Variants in NHSL1 observed in about 807,000 individuals in gnomAD.
The protein encoded by NHSL1 is NHS-like protein 1.
A neutral mutation model predicts 95.0 loss-of-function variants in NHSL1; 48 were observed. That is an observed-to-expected ratio of 0.51 (90% CI 0.40 to 0.64). NHSL1 has a LOEUF of 0.64. NHSL1 is among the 30% of genes least tolerant of loss of function. The pLI is 0.00. For missense variants in NHSL1, 1,971 were observed against 2,077.7 expected, an observed-to-expected ratio of 0.95 and a Z score of 1.00; for synonymous variants, 783 against 833.9, an observed-to-expected ratio of 0.94 and a Z score of 1.05.
chr6:138,483,922 C>A (rs1474909070), intron 2 of NHSL1, among the ~76,000 whole-genome samples: 1 of 152,128 alleles, frequency 6.6e-6, no homozygotes, highest in Non-Finnish European at 1.5e-5. Flanking sequence ...CCATTGGTCA[C>A]CCAGGTAGAT....
chr6:138,665,504 C>A (rs759307089), intron 1 of NHSL1, among the ~76,000 whole-genome samples: 32 of 152,204 alleles, frequency 2.1e-4, no homozygotes, highest in Non-Finnish European at 3.4e-4. Context: ...TCAGCCTGTC[C>A]TTTGCACTTT....
intron 1 of NHSL1, among the ~76,000 whole-genome samples, chr6:138,632,351 G>A (rs1226638929): frequency 6.6e-6 from 1 of 152,170 alleles, no homozygotes; most frequent in Non-Finnish European, 1.5e-5. Context: ...ACTGATTGTA[G>A]AACCCCAAGG....
intron 5 of NHSL1, among the ~76,000 whole-genome samples, chr6:138,440,414 C>T (rs1776454295): frequency 6.6e-6 from 1 of 152,166 alleles, no homozygotes; most frequent in South Asian, 2.1e-4. Context: ...AACCAGGCCA[C>T]TAATAGCAGC....
chr6:138,425,286 G>A (rs563989250), intron 7 of NHSL1, among the ~76,000 whole-genome samples: 11 of 152,094 alleles, frequency 7.2e-5, no homozygotes, highest in East Asian at 3.9e-4. Flanking sequence ...TAGTAGAGAC[G>A]GGGTTTTGCC....
At chr6:138,548,430 T>C (rs1447755048), upstream of NHSL1, among the ~76,000 whole-genome samples, 1 of 152,182 alleles carries the variant, frequency 6.6e-6, no homozygotes, top group African/African-American at 2.4e-5. Context: ...CCAGGACAGC[T>C]CTGAATGTGA....
At chr6:138,664,534 C>T (rs1012199609) in intron 1 of NHSL1, among the ~76,000 whole-genome samples, 5 of 152,116 alleles carry the variant, frequency 3.3e-5, no homozygotes, top group Non-Finnish European at 7.4e-5. Context: ...CTCAAGGAAT[C>T]AAGGATGGAG....
intron 3 of NHSL1, chr6:138,464,119 C>T (rs551468164): frequency 1.9e-5 from 10 of 533,022 alleles, no homozygotes; most frequent in African/African-American, 9.7e-5. Context: ...CTATCCTCAC[C>T]GCTATCTGGT....
chr6:138,509,746 T>C (rs933001126), intron 1 of NHSL1, among the ~76,000 whole-genome samples: 3 of 152,200 alleles, frequency 2.0e-5, no homozygotes, highest in African/African-American at 2.4e-5. Context: ...TGAGCCTCAA[T>C]TCGGACAACA....
intron 1 of NHSL1, among the ~76,000 whole-genome samples, chr6:138,523,627 GAAAAAAAAAA>G (rs67335375): frequency 0.059 from 3,864 of 65,048 alleles, 131 homozygotes; most frequent in South Asian, 0.23. Flanking sequence ...TTTTAAAGAG[GAAAAAAAAAA>G]AAAAAAAAAA....
At chr6:138,627,254 A>G (rs1583456293) in intron 1 of NHSL1, among the ~76,000 whole-genome samples, 1 of 152,240 alleles carries the variant, frequency 6.6e-6, no homozygotes, top group Non-Finnish European at 1.5e-5. Flanking sequence ...AGGTTACTAT[A>G]ATCAAGAAAC....
intron 1 of NHSL1, among the ~76,000 whole-genome samples, chr6:138,563,020 T>G (rs759600517): frequency 2.6e-5 from 4 of 152,210 alleles, no homozygotes; most frequent in Non-Finnish European, 4.4e-5. Flanking sequence ...AGTTATTAAG[T>G]CCTTGATGCC....
chr6:138,586,546 C>T (rs1272274759), intron 1 of NHSL1, among the ~76,000 whole-genome samples: 4 of 152,178 alleles, frequency 2.6e-5, no homozygotes, highest in Admixed American at 2.0e-4. Context: ...ATATGCTCAG[C>T]CACTTCCAGA....
rs1185308373 is a variant in NHSL1, at chr6:138,692,244, C to T, written c.96+232G>A. On this transcript the variant is annotated intron_variant, in intron 1 of 3. Transcript: ENST00000491526. The surrounding 1 kb of genome is among the most constrained non-coding windows in gnomAD (Gnocchi z 4.0). ...ACTGTCCAATTCCCACCCTCCGCGCCCACTCTCTCGAGGTAGCCAAGACCC... is the reference window on the plus strand; with the variant it reads ...ACTGTCCAATTCCCACCCTCCGCGCTCACTCTCTCGAGGTAGCCAAGACCC... The T allele has an allele frequency of 4.4e-6, 2 of 453,612 alleles. No homozygotes were observed. The highest frequency in any genetic ancestry group is 8.9e-6 in the Non-Finnish European group (2 of 225,158). The allele number at this position is 453,612 out of a possible 1,614,324, so 28.1% of individuals were successfully genotyped here.
At chr6:138,631,937 C>T (rs866267497) in intron 1 of NHSL1, among the ~76,000 whole-genome samples, 11 of 152,160 alleles carry the variant, frequency 7.2e-5, no homozygotes, top group African/African-American at 2.2e-4. Context: ...GATTCTAGAA[C>T]TTGGCTCTTG....
intron 1 of NHSL1, among the ~76,000 whole-genome samples, chr6:138,542,098 C>T (rs1462649207): frequency 6.6e-6 from 1 of 152,152 alleles, no homozygotes; most frequent in Non-Finnish European, 1.5e-5. Flanking sequence ...AGGGTGGACC[C>T]TAAGTCCAAT....
intron 1 of NHSL1, among the ~76,000 whole-genome samples, chr6:138,661,855 G>C (rs542916797): frequency 2.0e-5 from 3 of 152,134 alleles, no homozygotes; most frequent in South Asian, 4.2e-4. Flanking sequence ...CTGCTTGATT[G>C]AGGCCAAGAA....
intron 1 of NHSL1, among the ~76,000 whole-genome samples, chr6:138,595,059 C>T (rs564748717): frequency 6.6e-6 from 1 of 152,082 alleles, no homozygotes; most frequent in African/African-American, 2.4e-5. Context: ...ACCAGAGATT[C>T]CCACTATGCT....
chr6:138,523,817 G>T (rs2128310816), intron 1 of NHSL1, among the ~76,000 whole-genome samples: 1 of 152,254 alleles, frequency 6.6e-6, no homozygotes, highest in South Asian at 2.1e-4. Context: ...TATGCCATAG[G>T]TCCATGCTGT....
At chr6:138,547,255 T>C (rs1385608719), upstream of NHSL1, among the ~76,000 whole-genome samples, 1 of 151,282 alleles carries the variant, frequency 6.6e-6, no homozygotes, top group Admixed American at 6.6e-5. Flanking sequence ...TTGTCTACCA[T>C]AAGGAAGTCA....
Sources: gnomAD v4.1 joint callset for allele counts (sites outside exome capture counted in the v4.1 genomes callset) on GRCh38, gnomAD v4.1.1 for gene constraint, Gnocchi (gnomAD v3.1) non-coding constraint, MANE v1.5 for transcripts, NCBI Gene and HGNC (gene_info 2026-07-23, HGNC 2026-07-21) for gene names.